Variants in SEMA5A observed in about 807,000 individuals in gnomAD.
The protein encoded by SEMA5A is semaphorin 5A.
A neutral mutation model predicts 135.5 loss-of-function variants in SEMA5A; 55 were observed. The ratio of observed to expected loss-of-function variants is 0.41; its 90% CI spans 0.33 to 0.51. SEMA5A has a LOEUF of 0.51. Ranked by LOEUF, SEMA5A falls within the 20% of genes least tolerant of loss-of-function variation. SEMA5A has a pLI of 0.37. For synonymous variants in SEMA5A, 580 were observed against 546.5 expected, an observed-to-expected ratio of 1.06 and a Z score of -0.85; for missense variants, 1,290 against 1,419.9, an observed-to-expected ratio of 0.91 and a Z score of 1.47.
At position 9,395,796 on chromosome 5, in the gene SEMA5A, ACAT is replaced by A. The variant is rs201253258; in HGVS notation, c.-77-15776_-77-15774del. On this transcript the variant is annotated intron_variant, in intron 2 of 22. Transcript: ENST00000382496. ...AGATGAAAGTGATGTGCCTTCTCTA[ACAT>A]CATATGTAGGAGGAAAAATGTTCTG... Among the ~76,000 whole-genome samples the A allele has an allele frequency of 6.9e-3, 1,051 of 152,330 alleles. 14 individuals are homozygous for A. The highest frequency in any genetic ancestry group is 0.024 in the African/African-American group (1,017 of 41,564).
rs370945739 is a variant in SEMA5A at position 9,315,351 on chromosome 5, T to C, written c.270+3021A>G. On this transcript the variant is annotated intron_variant, in intron 5 of 22. Coordinates refer to ENST00000382496, the MANE Select transcript of SEMA5A (RefSeq NM_003966.3). ...ATCCCTATATCTTTTAGCATGCTTT[T>C]CCAAAAAACAATGACATTCTCCTAT... Among the ~76,000 whole-genome samples, 3 of 152,110 alleles carry C rather than the reference T, an allele frequency of 2.0e-5. No homozygotes were observed. In the East Asian group the frequency reaches 5.8e-4, roughly 29 times the overall value.
At chr5:9,284,106 T>TGG (rs1750677667) in intron 5 of SEMA5A, among the ~76,000 whole-genome samples, 1 of 148,486 alleles carries the variant, frequency 6.7e-6, no homozygotes. Context: ...AGATAGATAT[T>TGG]AGAGAGAGAG....
intron 7 of SEMA5A, among the ~76,000 whole-genome samples, chr5:9,225,862 G>A (rs925513248): frequency 1.3e-4 from 20 of 152,104 alleles, no homozygotes; most frequent in African/African-American, 2.2e-4. Flanking sequence ...CTTGGTTCTC[G>A]CCTGAGAGGT....
intron 4 of SEMA5A, among the ~76,000 whole-genome samples, chr5:9,337,271 T>C (rs1034706785): frequency 1.3e-5 from 2 of 152,198 alleles, no homozygotes; most frequent in Non-Finnish European, 2.9e-5. Context: ...ATCTCTAGAA[T>C]CCTACTGAAG....
intron 2 of SEMA5A, among the ~76,000 whole-genome samples, chr5:9,386,302 G>C (rs1755887765): frequency 6.6e-6 from 1 of 152,138 alleles, no homozygotes; most frequent in South Asian, 2.1e-4. Context: ...ATGGGGTCCA[G>C]TGCATGATTG....
At chr5:9,050,556 T>C (rs1306357758) in intron 20 of SEMA5A, 99 bp from the exon 21 acceptor site, 6 of 1,010,630 alleles carry the variant, frequency 5.9e-6, no homozygotes, top group Admixed American at 6.1e-5. Context: ...CTGAATGTTA[T>C]GTGACACAAA....
At position 9,365,294 on chromosome 5, in the gene SEMA5A, T is replaced by G. The variant is rs545528890; in HGVS notation, c.124+14529A>C. Among the ~76,000 whole-genome samples, 6 of 152,244 alleles carry G rather than the reference T, an allele frequency of 3.9e-5. No homozygotes were observed. The South Asian group carries it at 6.2e-4, about 16-fold the overall frequency. On this transcript the variant is annotated intron_variant, in intron 3 of 22. Coordinates refer to ENST00000382496, the MANE Select transcript of SEMA5A (RefSeq NM_003966.3). ...TAAAATTTCAGGGGATCAAAAAATT[T>G]CAGTAATCAAGATAAATAATATTTT...
At chr5:9,522,484 G>A (rs1736890971) in intron 1 of SEMA5A, among the ~76,000 whole-genome samples, 1 of 152,176 alleles carries the variant, frequency 6.6e-6, no homozygotes, top group African/African-American at 2.4e-5. Context: ...TCAGGAGGCT[G>A]AGGCAGGAGA....
chr5:9,041,506 T>C lies in SEMA5A; in HGVS notation c.*1391A>G, dbSNP rs959982052. 2.6e-5 allele frequency: 4 copies of C among 152,186 alleles called. No individual in the cohort carries two copies. Among genetic ancestry groups the C allele is most frequent in the Non-Finnish European group, 4.4e-5 (3 of 68,044 alleles). The allele number at this position is 152,186 out of a possible 1,614,324, so 9.4% of individuals were successfully genotyped here. A position where few individuals can be genotyped will look rare whatever the true frequency, so the allele number is the denominator to read the frequency against. Reference sequence around the variant, plus strand: ...ATATATTTTTTTCCAGGGACCTCTGTGAATGGTGTTAGCACACTCTTAAAT... The same window carrying C: ...ATATATTTTTTTCCAGGGACCTCTGCGAATGGTGTTAGCACACTCTTAAAT... On this transcript the variant is annotated 3_prime_UTR_variant, in exon 23 of 23. Transcript: ENST00000382496.
At chr5:9,427,209 G>T (rs1421475653) in intron 2 of SEMA5A, among the ~76,000 whole-genome samples, 1 of 151,980 alleles carries the variant, frequency 6.6e-6, no homozygotes, top group Non-Finnish European at 1.5e-5. Flanking sequence ...TACTCAGAAG[G>T]GTGAGGCAGG....
At chr5:9,455,508 G>T (rs928234203) in intron 1 of SEMA5A, among the ~76,000 whole-genome samples, 1 of 151,928 alleles carries the variant, frequency 6.6e-6, no homozygotes, top group African/African-American at 2.4e-5. Context: ...CGCCCGCCTC[G>T]GCCTCCCAAA....
chr5:9,215,345 AC>A (rs1265958165), intron 8 of SEMA5A, among the ~76,000 whole-genome samples: 2 of 152,122 alleles, frequency 1.3e-5, no homozygotes, highest in African/African-American at 2.4e-5. Flanking sequence ...GTTTAACTGT[AC>A]CCATCCCCCA....
intron 8 of SEMA5A, among the ~76,000 whole-genome samples, chr5:9,218,956 G>A (rs779341215): frequency 2.4e-4 from 37 of 152,216 alleles, no homozygotes; most frequent in Non-Finnish European, 4.0e-4. Context: ...CCCCTTATTT[G>A]TGGAGTACTG....
chr5:9,040,908 C>CTGA lies in SEMA5A; in HGVS notation c.*1986_*1988dup, dbSNP rs1365999670. The CTGA allele has an allele frequency of 6.6e-6, 1 of 152,150 alleles. No homozygotes were observed. Among genetic ancestry groups the CTGA allele is most frequent in the Non-Finnish European group, 1.5e-5 (1 of 68,026 alleles). The allele number at this position is 152,150 out of a possible 1,614,324, so 9.4% of individuals were successfully genotyped here. On this transcript the variant is annotated 3_prime_UTR_variant, in exon 23 of 23. Transcript: ENST00000382496. ...GAAAATGTTTTTTTCTTACAAGAAA[C>CTGA]TGATGAGATGAGTTGAAATATCTGA...
intron 3 of SEMA5A, among the ~76,000 whole-genome samples, chr5:9,349,285 A>G (rs1042517944): frequency 6.6e-6 from 1 of 152,226 alleles, no homozygotes; most frequent in African/African-American, 2.4e-5. Context: ...GATGTGCACC[A>G]AAAATACTGG....
At chr5:9,312,156 AT>A (rs1485307163) in intron 5 of SEMA5A, among the ~76,000 whole-genome samples, 2 of 152,002 alleles carry the variant, frequency 1.3e-5, no homozygotes, top group Non-Finnish European at 2.9e-5. Context: ...CCATTTTTAT[AT>A]TTTTCAAAAA....
At chr5:9,133,927 T>C (rs1274696946) in intron 13 of SEMA5A, among the ~76,000 whole-genome samples, 3 of 151,926 alleles carry the variant, frequency 2.0e-5, no homozygotes, top group Admixed American at 6.6e-5. Context: ...TGGGAGGTAA[T>C]TGAATCATGG....
chr5:9,151,701 G>A (rs563266832), intron 12 of SEMA5A, among the ~76,000 whole-genome samples: 1 of 152,026 alleles, frequency 6.6e-6, no homozygotes, highest in Admixed American at 6.6e-5. Flanking sequence ...TTCTTTTCTC[G>A]AATGAAATAC....
At chr5:9,432,488 C>T (rs1242323201) in intron 2 of SEMA5A, among the ~76,000 whole-genome samples, 1 of 152,160 alleles carries the variant, frequency 6.6e-6, no homozygotes, top group East Asian at 1.9e-4. Context: ...CTAGTTTAAA[C>T]CCCTCATTAC....
Sources: gnomAD v4.1 joint callset for allele counts (sites outside exome capture counted in the v4.1 genomes callset) on GRCh38, gnomAD v4.1.1 for gene constraint, MANE v1.5 for transcripts, NCBI Gene and HGNC (gene_info 2026-07-23, HGNC 2026-07-21) for gene names.